The following TEKT1 variants were observed in gnomAD, a reference collection of about 807,000 sequenced individuals.
The protein encoded by TEKT1 is tektin-1.
TEKT1 carries 32 observed loss-of-function variants against 34.8 expected under a neutral mutation model. The observed-to-expected ratio is 0.92, with a 90% CI of 0.69 to 1.23. TEKT1 has a LOEUF of 1.23. Ranked by LOEUF, TEKT1 falls within the 50% of genes most tolerant of loss-of-function variation. TEKT1 has a pLI of 0.00. For missense variants in TEKT1, 492 were observed against 518.5 expected, an observed-to-expected ratio of 0.95 and a Z score of 0.50; for synonymous variants, 207 against 199.8, an observed-to-expected ratio of 1.04 and a Z score of -0.30.
chr17:6,802,379 GC>G (rs1233503863), intron 6 of TEKT1, among the ~76,000 whole-genome samples: 30 of 151,796 alleles, frequency 2.0e-4, no homozygotes, highest in Admixed American at 2.0e-3. Context: ...TTTATTTAAA[GC>G]AGCATTTATA....
intron 3 of TEKT1, among the ~76,000 whole-genome samples, chr17:6,817,237 T>C (rs1029903976): frequency 4.7e-5 from 7 of 150,444 alleles, no homozygotes; most frequent in Admixed American, 6.6e-5. Flanking sequence ...TAGCCAAGAG[T>C]GGTGGTGCAT....
At position 6,798,594 on chromosome 17, in the gene TEKT1, G is replaced by A. The variant is rs1252307429; in HGVS notation, c.*1433C>T. 2 of 152,238 alleles carry A rather than the reference G, an allele frequency of 1.3e-5. No homozygotes were observed. Among genetic ancestry groups the A allele is most frequent in the African/African-American group, 2.4e-5 (1 of 41,440 alleles). The allele number at this position is 152,238 out of a possible 1,614,324, so 9.4% of individuals were successfully genotyped here. ...CTCTGAGAGGAGACGTTCAGCACTG[G>A]GGTGGCATAGATCAGAATTAACAGA... On this transcript the variant is annotated 3_prime_UTR_variant, in exon 8 of 8. Coordinates refer to ENST00000338694, the MANE Select transcript of TEKT1 (RefSeq NM_053285.2).
chr17:6,802,920 C>T (rs1267739611), intron 6 of TEKT1, among the ~76,000 whole-genome samples: 8 of 152,054 alleles, frequency 5.3e-5, no homozygotes, highest in East Asian at 3.9e-4. Context: ...AATAAACATA[C>T]GTGTGCATGT....
chr17:6,820,336 C>T lies in TEKT1; in HGVS notation c.191-978G>A, dbSNP rs1977069965. On this transcript the variant is annotated intron_variant, in intron 2 of 7. Transcript: ENST00000338694. Reference sequence around the variant, plus strand: ...AATTAAAGGCAGATTTATTAGTCACCATGAGTAAAAAATGACTGATTATAC... The same window carrying T: ...AATTAAAGGCAGATTTATTAGTCACTATGAGTAAAAAATGACTGATTATAC... Among the ~76,000 whole-genome samples, 3 of 151,360 alleles carry T rather than the reference C, an allele frequency of 2.0e-5. No homozygotes were observed. In the South Asian group the frequency reaches 6.3e-4, roughly 32 times the overall value.
At chr17:6,821,362 C>T (rs1977087518) in intron 2 of TEKT1, among the ~76,000 whole-genome samples, 1 of 152,180 alleles carries the variant, frequency 6.6e-6, no homozygotes, top group Non-Finnish European at 1.5e-5. Flanking sequence ...GTCTCTTCCC[C>T]CTTCATTTTC....
intron 1 of TEKT1, among the ~76,000 whole-genome samples, chr17:6,831,153 G>A (rs1350556977): frequency 6.6e-6 from 1 of 152,068 alleles, no homozygotes; most frequent in Non-Finnish European, 1.5e-5. Flanking sequence ...GAACAGGAAG[G>A]GGAACAACAC....
chr17:6,807,883 G>T (rs1245082944), intron 6 of TEKT1, among the ~76,000 whole-genome samples: 2 of 152,182 alleles, frequency 1.3e-5, no homozygotes, highest in Non-Finnish European at 2.9e-5. Context: ...CCCCTACTGG[G>T]GGGTGCCTCC....
intron 6 of TEKT1, among the ~76,000 whole-genome samples, chr17:6,808,619 T>TATCTTAAC (rs1234559313): frequency 2.6e-5 from 4 of 152,236 alleles, no homozygotes; most frequent in Non-Finnish European, 5.9e-5. Flanking sequence ...CACCCCTATT[T>TATCTTAAC]AAATTATCTT....
At chr17:6,800,285 T>G in intron 7 of TEKT1, 51 bp from the exon 8 acceptor site, 1 of 1,548,872 alleles carries the variant, frequency 6.5e-7, no homozygotes. Context: ...ATGCATTGCT[T>G]TTTCAAGGGA....
intron 5 of TEKT1, among the ~76,000 whole-genome samples, chr17:6,814,564 G>T (rs4588030): frequency 1.3e-5 from 2 of 152,160 alleles, no homozygotes; most frequent in Admixed American, 6.5e-5. Context: ...GGAGGCCAGG[G>T]GCGGTGGCTC....
At chr17:6,801,664 T>C (rs1032201726) in intron 6 of TEKT1, among the ~76,000 whole-genome samples, 104 of 152,130 alleles carry the variant, frequency 6.8e-4, no homozygotes, top group Non-Finnish European at 1.2e-3. Context: ...GCCAAGATCG[T>C]GCCACTGCAC....
At chr17:6,827,907 T>A (rs2151592628) in intron 2 of TEKT1, among the ~76,000 whole-genome samples, 1 of 152,118 alleles carries the variant, frequency 6.6e-6, no homozygotes, top group Middle Eastern at 3.4e-3. Flanking sequence ...TCCCCGTATC[T>A]ACTGAAACAG....
intron 2 of TEKT1, among the ~76,000 whole-genome samples, chr17:6,825,895 A>G (rs1313208313): frequency 6.6e-6 from 1 of 152,212 alleles, no homozygotes; most frequent in Non-Finnish European, 1.5e-5. Flanking sequence ...GCCATTACAA[A>G]TGGCCCTCCT....
intron 6 of TEKT1, among the ~76,000 whole-genome samples, chr17:6,808,555 C>T (rs1003625231): frequency 9.2e-5 from 14 of 152,188 alleles, no homozygotes; most frequent in Admixed American, 1.3e-4. Flanking sequence ...TCTTCTGCGT[C>T]GCTCACGCTG....
chr17:6,818,235 C>T (rs1007698896), intron 3 of TEKT1, among the ~76,000 whole-genome samples: 3 of 152,144 alleles, frequency 2.0e-5, no homozygotes, highest in African/African-American at 7.2e-5. Flanking sequence ...GGATTCTAAG[C>T]ATGGCGGTGA....
chr17:6,815,126 G>A, intron 5 of TEKT1, 37 bp downstream of exon 5: 1 of 1,580,886 alleles, frequency 6.3e-7, no homozygotes, highest in Non-Finnish European at 8.6e-7. Context: ...GAAGCACTGG[G>A]TCACCCGCGA....
intron 3 of TEKT1, among the ~76,000 whole-genome samples, chr17:6,817,403 T>C (rs553372518): frequency 1.4e-3 from 211 of 152,292 alleles, no homozygotes; most frequent in Non-Finnish European, 6.8e-4. Flanking sequence ...ATGTTTATAG[T>C]AATAATAACT....
intron 2 of TEKT1, among the ~76,000 whole-genome samples, chr17:6,820,396 A>T (rs1323125374): frequency 6.6e-6 from 1 of 151,980 alleles, no homozygotes; most frequent in African/African-American, 2.4e-5. Context: ...TATTTAATTG[A>T]TAATGAGTAG....
At chr17:6,808,980 A>AT (rs1010554262) in intron 6 of TEKT1, among the ~76,000 whole-genome samples, 5 of 151,990 alleles carry the variant, frequency 3.3e-5, no homozygotes, top group Non-Finnish European at 2.9e-5. Context: ...GTGAAATAAG[A>AT]TTTTTTTTAA....
Sources: gnomAD v4.1 joint callset for allele counts (sites outside exome capture counted in the v4.1 genomes callset) on GRCh38, gnomAD v4.1.1 for gene constraint, MANE v1.5 for transcripts, NCBI Gene and HGNC (gene_info 2026-07-23, HGNC 2026-07-21) for gene names.